Variants in HERC2 observed in about 807,000 individuals in gnomAD.
The protein encoded by HERC2 is E3 ubiquitin-protein ligase HERC2.
Under a neutral mutation model 537.7 loss-of-function variants are expected in HERC2, and 102 were observed. That is an observed-to-expected ratio of 0.19 (90% CI 0.16 to 0.22). HERC2 has a LOEUF of 0.22. Ranked by LOEUF, HERC2 falls within the 10% of genes least tolerant of loss-of-function variation. HERC2 has a pLI of 1.00. For missense variants in HERC2, 4,236 were observed against 6,198.2 expected, an observed-to-expected ratio of 0.68 and a Z score of 10.63; for synonymous variants, 2,224 against 2,466.2, an observed-to-expected ratio of 0.90 and a Z score of 2.91.
intron 52 of HERC2, among the ~76,000 whole-genome samples, chr15:28,194,166 C>T (rs996671769): frequency 3.3e-5 from 5 of 150,756 alleles, no homozygotes; most frequent in East Asian, 4.0e-4. Flanking sequence ...CCTGGGTTCA[C>T]GCCATTCTCC....
chr15:28,314,905 C>A (rs2077041921), intron 2 of HERC2, among the ~76,000 whole-genome samples: 1 of 151,970 alleles, frequency 6.6e-6, no homozygotes, highest in Non-Finnish European at 1.5e-5. Context: ...TGAAAATTAT[C>A]TGACATTCAA....
In HERC2 at chr15:28,169,364, A is replaced by C. The variant is rs184712768; in HGVS notation, c.10229+120T>G. On this transcript the variant is annotated intron_variant, in intron 66 of 92. Transcript: ENST00000261609. ...AAAGAACTTGTGACTTACAACATAC[A>C]GCATTTAAAGACAATAATACAACAT... 1.6e-5 allele frequency: 11 copies of C among 674,486 alleles called. No homozygotes were observed. The East Asian group carries it at 2.6e-4, about 16-fold the overall frequency. 41.8% of individuals were successfully genotyped at this position (674,486 alleles called of 1,614,324 possible).
chr15:28,221,968 A>G, intron 36 of HERC2, 60 bp downstream of exon 36: 1 of 1,060,066 alleles, frequency 9.4e-7, no homozygotes, highest in African/African-American at 1.4e-5. Flanking sequence ...AATATCGTAC[A>G]GAACTGTGCA....
chr15:28,215,949 T>G, intron 38 of HERC2, 147 bp from the exon 39 acceptor site: 1 of 608,262 alleles, frequency 1.6e-6, no homozygotes, highest in South Asian at 2.3e-5. Flanking sequence ...TAATTCAAAC[T>G]AATTCAAAGT....
chr15:28,152,905 G>T, intron 69 of HERC2, 75 bp from the exon 70 acceptor site: 6 of 1,426,906 alleles, frequency 4.2e-6, no homozygotes, highest in Non-Finnish European at 5.7e-6. Context: ...ACCTCTGCCC[G>T]TCCTGCTCAG....
At chr15:28,286,578 T>C (rs1170898573) in intron 4 of HERC2, among the ~76,000 whole-genome samples, 2 of 152,096 alleles carry the variant, frequency 1.3e-5, no homozygotes, top group African/African-American at 4.8e-5. Flanking sequence ...ATGATAAAAA[T>C]TCTCAGAAAA....
intron 50 of HERC2, among the ~76,000 whole-genome samples, chr15:28,198,003 G>A (rs1184561800): frequency 6.6e-6 from 1 of 152,090 alleles, no homozygotes; most frequent in African/African-American, 2.4e-5. Flanking sequence ...CGTTAGCATG[G>A]CTCCATTCTT....
At chr15:28,310,057 C>A (rs2076897988) in intron 2 of HERC2, among the ~76,000 whole-genome samples, 1 of 152,152 alleles carries the variant, frequency 6.6e-6, no homozygotes, top group East Asian at 1.9e-4. Flanking sequence ...CTAATCCCAG[C>A]ACCTTGGAAG....
In HERC2 at chr15:28,274,917, C is replaced by T. The variant is rs765238372; in HGVS notation, c.631G>A (p.Ala211Thr). 2.5e-6 allele frequency: 4 copies of T among 1,611,270 alleles called. No individual in the cohort carries two copies. The highest frequency in any genetic ancestry group is 3.4e-6 in the Non-Finnish European group (4 of 1,179,498). The change falls in exon 6 of 93, where the codon GCC (alanine) becomes ACC (threonine). Residue 211 changes from alanine to threonine, a missense_variant. Transcript: ENST00000261609. ...CCAGGGACCGTACCTGATCGCCAGGCCCTGCGCAGGAAGGCAAAGGCAAAA... is the reference window on the plus strand; with the variant it reads ...CCAGGGACCGTACCTGATCGCCAGGTCCTGCGCAGGAAGGCAAAGGCAAAA... The part of the protein sequence containing the change: ...LSFAFAFLRR[A>T]WRSGEDADLC...
intron 16 of HERC2, among the ~76,000 whole-genome samples, chr15:28,259,953 G>A (rs2075372364): frequency 7.1e-6 from 1 of 141,648 alleles, no homozygotes; most frequent in African/African-American, 2.6e-5. Context: ...GGGTGACAGA[G>A]TGAGACTCCA....
chr15:28,244,246 T>C (rs1011153575), intron 23 of HERC2, among the ~76,000 whole-genome samples: 8 of 152,352 alleles, frequency 5.3e-5, no homozygotes, highest in African/African-American at 1.4e-4. Context: ...GAATAGGTTG[T>C]TGTATATTCA....
rs748957874 is a variant in HERC2 at position 28,114,771 on chromosome 15, T to C, written c.13754A>G (p.Tyr4585Cys). 6.2e-7 allele frequency: 1 copy of C among 1,614,078 alleles called. No homozygotes were observed. Among genetic ancestry groups the C allele is most frequent in the Non-Finnish European group, 8.5e-7 (1 of 1,180,010 alleles). Residue 4585 changes from tyrosine to cysteine, a missense_variant, in exon 90 of 93, where the codon TAC becomes TGC. Tyr to Cys is a radical substitution (Grantham distance 194). Coordinates refer to ENST00000261609, the MANE Select transcript of HERC2 (RefSeq NM_004667.6). ...TGAGGTGGCTTCATTGTCTCGGATG[T>C]ACATGAGTCCAGGAATAAAATCCTT... ...VDKDFIPGLM[Y>C]IRDNEATSEE...
At chr15:28,121,293 G>A (rs957674223) in intron 86 of HERC2, 53 bp downstream of exon 86, 29 of 1,527,186 alleles carry the variant, frequency 1.9e-5, no homozygotes, top group South Asian at 3.4e-5. Context: ...AGGTACCCAC[G>A]AAAGCATCAC....
At chr15:28,277,220 C>T (rs1027733032) in intron 5 of HERC2, among the ~76,000 whole-genome samples, 7 of 152,098 alleles carry the variant, frequency 4.6e-5, no homozygotes, top group Admixed American at 6.6e-5. Context: ...GGCCCTTGTC[C>T]ATGTACCAAT....
chr15:28,224,589 G>A (rs1900911799), intron 35 of HERC2, among the ~76,000 whole-genome samples: 1 of 152,144 alleles, frequency 6.6e-6, no homozygotes, highest in South Asian at 2.1e-4. Context: ...CTTTTTCACT[G>A]TGACTTTGAT....
At chr15:28,150,230 CG>C (rs1892290180) in intron 70 of HERC2, among the ~76,000 whole-genome samples, 1 of 151,726 alleles carries the variant, frequency 6.6e-6, no homozygotes, top group Non-Finnish European at 1.5e-5. Flanking sequence ...GCCACATGAA[CG>C]TACGTTCTAG....
chr15:28,292,757 A>C (rs1465280126), intron 4 of HERC2, 131 bp downstream of exon 4: 1 of 929,026 alleles, frequency 1.1e-6, no homozygotes, highest in Non-Finnish European at 1.6e-6. Context: ...TGTATATTTT[A>C]CCACAATATT....
chr15:28,191,890 T>G (rs953368404), intron 53 of HERC2, 71 bp downstream of exon 53: 4 of 1,406,624 alleles, frequency 2.8e-6, no homozygotes, highest in Non-Finnish European at 3.9e-6. Flanking sequence ...TGCTCAAAGT[T>G]CATTTTGAAA....
intron 2 of HERC2, among the ~76,000 whole-genome samples, chr15:28,313,425 C>A (rs183882194): frequency 6.6e-6 from 1 of 152,018 alleles, no homozygotes; most frequent in African/African-American, 2.4e-5. Context: ...GTGATCCACC[C>A]GCCTCGGCCT....
Sources: gnomAD v4.1 joint callset for allele counts (sites outside exome capture counted in the v4.1 genomes callset) on GRCh38, gnomAD v4.1.1 for gene constraint, MANE v1.5 for transcripts, NCBI Gene and HGNC (gene_info 2026-07-23, HGNC 2026-07-21) for gene names.